NEURL1: variants seen among roughly 807,000 people sequenced by gnomAD.
NEURL1 encodes E3 ubiquitin-protein ligase NEURL1.
In NEURL1, 26 loss-of-function variants were observed where a neutral mutation model predicts 41.2. The ratio of observed to expected loss-of-function variants is 0.63; its 90% CI spans 0.46 to 0.87. The LOEUF (loss-of-function observed/expected upper bound fraction) is 0.87, where lower values mean the gene tolerates loss of function less well. Among genes scored for constraint, NEURL1 ranks in the 40% least tolerant of loss-of-function variants. The pLI is 0.00. For missense variants in NEURL1, 761 were observed against 871.1 expected, an observed-to-expected ratio of 0.87 and a Z score of 1.59; for synonymous variants, 400 against 402.3, an observed-to-expected ratio of 0.99 and a Z score of 0.07.
chr10:103,509,531 G>A (rs530643422), intron 1 of NEURL1, among the ~76,000 whole-genome samples: 1 of 152,174 alleles, frequency 6.6e-6, no homozygotes, highest in Non-Finnish European at 1.5e-5. Flanking sequence ...TGCATTGCAC[G>A]ATGATGTTAT....
intron 1 of NEURL1, among the ~76,000 whole-genome samples, chr10:103,513,881 G>T (rs1047090617): frequency 3.9e-5 from 6 of 152,212 alleles, no homozygotes; most frequent in Admixed American, 3.3e-4. Context: ...GAGGCCGGGG[G>T]AGGGCTGTGG....
rs58396329 is a variant in NEURL1, at chr10:103,501,618, TTTA to T, written c.85+7173_85+7175del. Among the ~76,000 whole-genome samples, 1,253 of 142,590 alleles carry T rather than the reference TTTA, an allele frequency of 8.8e-3. 10 individuals are homozygous for T. Among genetic ancestry groups the T allele is most frequent in the Middle Eastern group, 0.04 (11 of 278 alleles). The allele number at this position is 142,590 out of a possible 152,430, so 93.5% of individuals were successfully genotyped here. On this transcript the variant is annotated intron_variant, in intron 1 of 5. Transcript: ENST00000369780. Reference sequence around the variant, plus strand: ...AGAGGTAGGTATTATTCCCACTTTATTTATTATTATTATTATTATTATTATTAT... The same window carrying T: ...AGAGGTAGGTATTATTCCCACTTTATTTATTATTATTATTATTATTATTAT...
At chr10:103,521,083 C>T (rs1349545244) in intron 1 of NEURL1, among the ~76,000 whole-genome samples, 1 of 152,122 alleles carries the variant, frequency 6.6e-6, no homozygotes, top group African/African-American at 2.4e-5. Flanking sequence ...ACAGAGTCCT[C>T]CTTTTTAAGT....
intron 1 of NEURL1, among the ~76,000 whole-genome samples, chr10:103,512,762 G>T (rs2034103241): frequency 6.6e-6 from 1 of 152,128 alleles, no homozygotes; most frequent in Non-Finnish European, 1.5e-5. Context: ...GGCTTCAGGT[G>T]TCTCTGTTTT....
chr10:103,571,964 C>T, intron 3 of NEURL1, 142 bp downstream of exon 3: 1 of 820,640 alleles, frequency 1.2e-6, no homozygotes. Context: ...GCCCTGGGAA[C>T]CTTGGCATGA....
At chr10:103,567,945 T>G (rs1402304037) in intron 1 of NEURL1, among the ~76,000 whole-genome samples, 1 of 152,234 alleles carries the variant, frequency 6.6e-6, no homozygotes, top group Non-Finnish European at 1.5e-5. Context: ...GACCCATGTG[T>G]GATAGGCATG....
intron 1 of NEURL1, among the ~76,000 whole-genome samples, chr10:103,521,108 C>T (rs576850310): frequency 4.6e-5 from 7 of 152,076 alleles, no homozygotes; most frequent in Non-Finnish European, 7.4e-5. Context: ...GGCTGAGCTT[C>T]GTGAGGTGTG....
At chr10:103,522,171 C>A (rs1367869641) in intron 1 of NEURL1, among the ~76,000 whole-genome samples, 1 of 152,102 alleles carries the variant, frequency 6.6e-6, no homozygotes, top group African/African-American at 2.4e-5. Context: ...ATTTTGACTT[C>A]TTTTGTGATT....
At chr10:103,565,757 C>T (rs902664343) in intron 1 of NEURL1, among the ~76,000 whole-genome samples, 1 of 152,136 alleles carries the variant, frequency 6.6e-6, no homozygotes, top group Non-Finnish European at 1.5e-5. Context: ...CTCAAGTGAT[C>T]CTCCCGCCTT....
At position 103,527,941 on chromosome 10, in the gene NEURL1, C is replaced by T. The variant is rs140747368; in HGVS notation, c.85+33469C>T. ...AGTCAGAAAACATTGGTATAAAGGC[C>T]GGGCACAATGGCTCACGCCTGTAAT... On this transcript the variant is annotated intron_variant, in intron 1 of 5. Coordinates refer to ENST00000369780, the MANE Select transcript of NEURL1 (RefSeq NM_004210.5). 9.9e-3 allele frequency among the ~76,000 whole-genome samples: 1,504 copies of T among 152,262 alleles called. 22 individuals are homozygous for T. The highest frequency in any genetic ancestry group is 0.034 in the African/African-American group (1,399 of 41,560).
chr10:103,587,860 G>A (rs1052618261), intron 4 of NEURL1, among the ~76,000 whole-genome samples: 2 of 152,138 alleles, frequency 1.3e-5, no homozygotes, highest in South Asian at 4.1e-4. Context: ...AACCCTGTGG[G>A]CATCTATTGA....
intron 1 of NEURL1, among the ~76,000 whole-genome samples, chr10:103,517,837 G>A (rs192867202): frequency 1.3e-5 from 2 of 152,284 alleles, no homozygotes; most frequent in African/African-American, 4.8e-5. Flanking sequence ...TCACCAACAG[G>A]GAAATGCCTG....
At chr10:103,578,145 C>A (rs1310141766) in intron 3 of NEURL1, among the ~76,000 whole-genome samples, 1 of 152,192 alleles carries the variant, frequency 6.6e-6, no homozygotes, top group East Asian at 1.9e-4. Context: ...CTGGGCAGTT[C>A]TCAGCTTCTC....
At chr10:103,576,804 C>T (rs1038413667) in intron 3 of NEURL1, among the ~76,000 whole-genome samples, 2 of 152,158 alleles carry the variant, frequency 1.3e-5, no homozygotes, top group East Asian at 1.9e-4. Flanking sequence ...AAAAGACCCA[C>T]GCCTGCCTAC....
intron 1 of NEURL1, among the ~76,000 whole-genome samples, chr10:103,515,598 A>T (rs2034185952): frequency 6.6e-6 from 1 of 152,368 alleles, no homozygotes; most frequent in South Asian, 2.1e-4. Context: ...CACTTCTGCA[A>T]GGTCAGTGAG....
chr10:103,578,172 C>T (rs2035705057), intron 3 of NEURL1, among the ~76,000 whole-genome samples: 1 of 152,144 alleles, frequency 6.6e-6, no homozygotes, highest in Non-Finnish European at 1.5e-5. Context: ...TCAGCCTCCT[C>T]ATTATTTGGG....
rs758270827 is a variant in NEURL1, at chr10:103,589,504, C to T, written c.1340-10C>T. The T allele has an allele frequency of 8.2e-6, 13 of 1,588,670 alleles. No homozygotes were observed. Among genetic ancestry groups the T allele is most frequent in the Non-Finnish European group, 1.1e-5 (13 of 1,165,896 alleles). ...AGCTAGTGTGTCCTTCCCTCCCTCC[C>T]CTTTCACAGGCTCCACTATCCTGGC... is the stretch of plus-strand genomic sequence containing the variant. On this transcript the variant is annotated splice_polypyrimidine_tract_variant and intron_variant, in intron 4 of 5. Coordinates refer to ENST00000369780, the MANE Select transcript of NEURL1 (RefSeq NM_004210.5).
intron 1 of NEURL1, among the ~76,000 whole-genome samples, chr10:103,525,311 T>A (rs1386973591): frequency 6.6e-6 from 1 of 151,790 alleles, no homozygotes; most frequent in Non-Finnish European, 1.5e-5. Flanking sequence ...TTATTAGTTC[T>A]CAGAGTTTTT....
Position 103,555,315 on chromosome 10 carries a change from G to T in NEURL1, c.86-15557G>T. The T allele has an allele frequency of 3.1e-6, 4 of 1,278,158 alleles. No individual in the cohort carries two copies. In the South Asian group the frequency reaches 5.1e-5, roughly 16 times the overall value. 79.2% of individuals were successfully genotyped at this position (1,278,158 alleles called of 1,614,324 possible). On this transcript the variant is annotated intron_variant, in intron 1 of 5. Coordinates refer to ENST00000369780, the MANE Select transcript of NEURL1 (RefSeq NM_004210.5). ...CGGGGGAGGAGGAGGGGAGCAGCCG[G>T]CCGGGGCGACTCGGTGACCAGCCGG...
Sources: gnomAD v4.1 joint callset for allele counts (sites outside exome capture counted in the v4.1 genomes callset) on GRCh38, gnomAD v4.1.1 for gene constraint, MANE v1.5 for transcripts, NCBI Gene and HGNC (gene_info 2026-07-23, HGNC 2026-07-21) for gene names.